The following NXPE4 variants were observed in gnomAD, a reference collection of about 807,000 sequenced individuals.
NXPE4 encodes the protein neurexophilin and PC-esterase domain family member 4, also known as NXPE family member 4.
A neutral mutation model predicts 33.3 loss-of-function variants in NXPE4; 42 were observed. The ratio of observed to expected loss-of-function variants is 1.26; its 90% CI spans 0.98 to 1.63. NXPE4 has a LOEUF of 1.63. Ranked by LOEUF, NXPE4 falls within the 40% of genes most tolerant of loss-of-function variation. The pLI is 0.00. For synonymous variants in NXPE4, 253 were observed against 234.9 expected (o/e 1.08, Z -0.71); for missense variants, 709 against 647.6 (o/e 1.09, Z -1.03).
chr11:114,635,901 A>G, the NXPE4 span, among the ~76,000 whole-genome samples: 11 of 152,224 alleles, frequency 7.2e-5, no homozygotes, highest in South Asian at 2.1e-3. Flanking sequence ...ATCAATGTTC[A>G]TCAAGGATAT....
chr11:114,605,193 C>G, the NXPE4 span, among the ~76,000 whole-genome samples: 1 of 151,844 alleles, frequency 6.6e-6, no homozygotes. Context: ...CCACTCTTAC[C>G]CAGTGGATAA....
At chr11:114,675,923 A>G in the NXPE4 span, among the ~76,000 whole-genome samples, 1 of 151,958 alleles carries the variant, frequency 6.6e-6, no homozygotes, top group Admixed American at 6.6e-5. Context: ...GGAACCAAAT[A>G]GAGACCCCAG....
chr11:114,598,285 T>G (rs1434807160), upstream of NXPE4, among the ~76,000 whole-genome samples: 7 of 20,990 alleles, frequency 3.3e-4, no homozygotes, highest in Non-Finnish European at 7.0e-4. Flanking sequence ...TCTGCCCCTG[T>G]GGCTTTGTGT....
the NXPE4 span, among the ~76,000 whole-genome samples, chr11:114,610,681 G>A: frequency 1.3e-5 from 2 of 151,940 alleles, no homozygotes; most frequent in Non-Finnish European, 2.9e-5. Context: ...GTTGCCTCGT[G>A]GTTAACCACT....
chr11:114,606,403 C>T, the NXPE4 span, among the ~76,000 whole-genome samples: 1 of 151,726 alleles, frequency 6.6e-6, no homozygotes, highest in South Asian at 2.1e-4. Context: ...CCACTGTTAC[C>T]CGGTGGATAA....
intron 2 of NXPE4, chr11:114,584,169 A>G (rs1260598164): frequency 6.5e-6 from 2 of 309,846 alleles, no homozygotes; most frequent in African/African-American, 2.2e-5. Flanking sequence ...TACACCATTT[A>G]TAATGTTGCT....
At chr11:114,654,791 G>A in the NXPE4 span, among the ~76,000 whole-genome samples, 16 of 152,308 alleles carry the variant, frequency 1.1e-4, no homozygotes, top group South Asian at 2.1e-4. Flanking sequence ...ATGTGTGCAT[G>A]TGTCTTTATA....
chr11:114,581,390 G>A (rs988620873), intron 4 of NXPE4, among the ~76,000 whole-genome samples: 1 of 152,170 alleles, frequency 6.6e-6, no homozygotes, highest in African/African-American at 2.4e-5. Flanking sequence ...GAGGTGATGG[G>A]AGTGGTATGA....
chr11:114,604,927 G>C, the NXPE4 span, among the ~76,000 whole-genome samples: 4 of 151,964 alleles, frequency 2.6e-5, no homozygotes, highest in Admixed American at 2.6e-4. Context: ...TTGCCTCTAG[G>C]GTACCCACTG....
At chr11:114,618,883 C>T in the NXPE4 span, among the ~76,000 whole-genome samples, 1 of 151,940 alleles carries the variant, frequency 6.6e-6, no homozygotes, top group Non-Finnish European at 1.5e-5. Flanking sequence ...CATGGGTCAC[C>T]ACTGTTACCC....
At chr11:114,583,819 T>C in intron 2 of NXPE4, 8 of 426,452 alleles carry the variant, frequency 1.9e-5, no homozygotes, top group South Asian at 1.5e-4. Flanking sequence ...CCTTCTATAT[T>C]ACAGGCTAGG....
At chr11:114,601,752 A>G in the NXPE4 span, among the ~76,000 whole-genome samples, 1 of 72,870 alleles carries the variant, frequency 1.4e-5, no homozygotes, top group Non-Finnish European at 2.4e-5. Context: ...TATAATATAT[A>G]ATATATATGT....
the NXPE4 span, among the ~76,000 whole-genome samples, chr11:114,619,278 T>A: frequency 6.6e-6 from 1 of 152,124 alleles, no homozygotes; most frequent in Non-Finnish European, 1.5e-5. Flanking sequence ...ACCTGGTGGA[T>A]AATAAGTATT....
the NXPE4 span, among the ~76,000 whole-genome samples, chr11:114,660,684 C>T: frequency 1.3e-5 from 2 of 151,846 alleles, no homozygotes; most frequent in Non-Finnish European, 2.9e-5. Flanking sequence ...AATGCTTTGC[C>T]CCAAGATAAG....
At chr11:114,655,127 C>T in the NXPE4 span, among the ~76,000 whole-genome samples, 15 of 150,060 alleles carry the variant, frequency 1.0e-4, no homozygotes, top group African/African-American at 3.1e-4. Flanking sequence ...TATCTTCTTT[C>T]GAGAAGTGTC....
At chr11:114,589,129 C>T (rs1049967069) in intron 2 of NXPE4, among the ~76,000 whole-genome samples, 1 of 152,050 alleles carries the variant, frequency 6.6e-6, no homozygotes, top group Non-Finnish European at 1.5e-5. Context: ...AAAGGATATC[C>T]AGGAAGCAAG....
chr11:114,633,362 C>G, the NXPE4 span, among the ~76,000 whole-genome samples: 1 of 138,342 alleles, frequency 7.2e-6, no homozygotes, highest in Non-Finnish European at 1.5e-5. Context: ...ATTATATATA[C>G]TATATAATAT....
chr11:114,666,222 TATAG>T, the NXPE4 span, among the ~76,000 whole-genome samples: 1 of 152,156 alleles, frequency 6.6e-6, no homozygotes, highest in Admixed American at 6.6e-5. Flanking sequence ...TTTGCTACCG[TATAG>T]CAGATTCATT....
At chr11:114,616,261 AT>A in the NXPE4 span, among the ~76,000 whole-genome samples, 1 of 151,656 alleles carries the variant, frequency 6.6e-6, no homozygotes, top group Non-Finnish European at 1.5e-5. Flanking sequence ...CCAGAGGACA[AT>A]AAATGTTGCC....
Sources: allele counts gnomAD v4.1 joint callset (sites outside exome capture counted in the v4.1 genomes callset), GRCh38; gene constraint gnomAD v4.1.1; transcripts MANE v1.5; gene names NCBI Gene and HGNC (gene_info 2026-07-23, HGNC 2026-07-21).